The following NOTCH2 variants were observed in gnomAD, a reference collection of about 807,000 sequenced individuals.
NOTCH2 encodes the protein notch receptor 2.
NOTCH2 carries 29 observed loss-of-function variants against 235.8 expected under a neutral mutation model. The observed-to-expected ratio is 0.12, with a 90% CI of 0.09 to 0.17. The LOEUF (loss-of-function observed/expected upper bound fraction) is 0.17, where lower values mean the gene tolerates loss of function less well. NOTCH2 is among the 10% of genes least tolerant of loss of function. The pLI is 1.00. For synonymous variants in NOTCH2, 1,086 were observed against 1,141.5 expected (o/e 0.95, Z 0.98); for missense variants, 2,285 against 3,150.2 (o/e 0.73, Z 6.57).
At chr1:119,925,188 C>CA in intron 25 of NOTCH2, 117 bp downstream of exon 25, 1 of 1,293,556 alleles carries the variant, frequency 7.7e-7, no homozygotes, top group South Asian at 1.2e-5. Context: ...AGGCTGGCAC[C>CA]ATCTGAAAAG....
At chr1:119,983,512 C>T (rs1651896797) in intron 5 of NOTCH2, among the ~76,000 whole-genome samples, 1 of 152,158 alleles carries the variant, frequency 6.6e-6, no homozygotes, top group Non-Finnish European at 1.5e-5. Flanking sequence ...TCACATTAGC[C>T]ATATTTCAGA....
chr1:119,958,241 T>C (rs1650783671), intron 12 of NOTCH2, among the ~76,000 whole-genome samples: 1 of 152,192 alleles, frequency 6.6e-6, no homozygotes, highest in Admixed American at 6.6e-5. Context: ...CACTGGGCAT[T>C]GGGTATGACA....
rs1649132059 is a variant in NOTCH2, at chr1:119,917,637, C to T, written c.6027+28G>A. 2.1e-6 allele frequency: 3 copies of T among 1,443,432 alleles called. No individual in the cohort carries two copies. The South Asian group carries it at 3.4e-5, about 16-fold the overall frequency. 89.4% of individuals were successfully genotyped at this position (1,443,432 alleles called of 1,614,324 possible). On this transcript the variant is annotated intron_variant, in intron 33 of 33. Coordinates refer to ENST00000256646, the MANE Select transcript of NOTCH2 (RefSeq NM_024408.4). ...ATAACTGAGGCACTGCTATGAGCCT[C>T]CTCAAGCTCAGAGCCCACAAACTGT...
rs781969276 is a variant in NOTCH2, at chr1:119,953,546, T to TAAA, written c.2359_2361dup (p.Phe787dup). 6.2e-7 allele frequency: 1 copy of TAAA among 1,614,184 alleles called. No individual in the cohort carries two copies. The highest frequency in any genetic ancestry group is 8.5e-7 in the Non-Finnish European group (1 of 1,180,010). ...AAAGATGTACTTTTGTTTTCACCTT[T>TAAA]AAAGCCCTTCTTGCAAGTACACCTG... On this transcript the variant is annotated inframe_insertion, in exon 14 of 34. Transcript: ENST00000256646.
chr1:119,988,361 A>G (rs1652101878), intron 4 of NOTCH2, among the ~76,000 whole-genome samples: 1 of 152,196 alleles, frequency 6.6e-6, no homozygotes, highest in South Asian at 2.1e-4. Flanking sequence ...GACAGAAATC[A>G]CTGAAGGCTT....
chr1:120,038,108 T>A (rs1363367534), intron 1 of NOTCH2, among the ~76,000 whole-genome samples: 13 of 152,128 alleles, frequency 8.5e-5, no homozygotes, highest in Non-Finnish European at 1.8e-4. Context: ...TGTGTAGTTT[T>A]TCCTTTTATT....
chr1:119,940,160 C>T (rs1650012741), intron 19 of NOTCH2, among the ~76,000 whole-genome samples: 2 of 152,136 alleles, frequency 1.3e-5, no homozygotes, highest in African/African-American at 4.8e-5. Flanking sequence ...TTGCAAGATA[C>T]AACAATTATC....
intron 29 of NOTCH2, among the ~76,000 whole-genome samples, chr1:119,921,382 A>G (rs1036632289): frequency 6.6e-6 from 1 of 152,234 alleles, no homozygotes; most frequent in African/African-American, 2.4e-5. Context: ...AGAAGTGCCC[A>G]TAAAGGATAA....
At chr1:119,953,491 C>G in intron 14 of NOTCH2, 52 bp downstream of exon 14, 1 of 1,594,698 alleles carries the variant, frequency 6.3e-7, no homozygotes, top group East Asian at 2.2e-5. Flanking sequence ...AAGCAGTATG[C>G]AACAACAAGA....
chr1:119,951,028 G>A (rs1650451016), intron 14 of NOTCH2, among the ~76,000 whole-genome samples, 191 bp from the exon 15 acceptor site: 1 of 152,210 alleles, frequency 6.6e-6, no homozygotes, highest in Non-Finnish European at 1.5e-5. Flanking sequence ...ACAGCAATTA[G>A]TTGAAAAGAT....
intron 15 of NOTCH2, chr1:119,950,358 T>C (rs1440376560): frequency 7.7e-6 from 3 of 390,228 alleles, no homozygotes; most frequent in African/African-American, 2.1e-5. Context: ...GTCTGGCACA[T>C]AGTAAATTAC....
chr1:119,925,032 C>A (rs986137532), intron 25 of NOTCH2, among the ~76,000 whole-genome samples: 17 of 152,278 alleles, frequency 1.1e-4, no homozygotes, highest in African/African-American at 3.9e-4. Flanking sequence ...GTGGGAAACA[C>A]CACTTCCAAA....
Position 119,923,809 on chromosome 1 carries a change from G to T in NOTCH2, c.4687C>A (p.Arg1563Ser). 6.2e-7 allele frequency: 1 copy of T among 1,614,130 alleles called. No homozygotes were observed. The highest frequency in any genetic ancestry group is 8.5e-7 in the Non-Finnish European group (1 of 1,180,028). ...GTACCCAGTGCCCGCAAGAAGCTGC[G>T]AGCATCCTGGAGCAGTTGTTCAGGT... ...MPPEQLLQDA[R>S]SFLRALGTLL... Residue 1563 changes from arginine to serine, a missense_variant, in exon 26 of 34, where the codon CGC becomes AGC. Physicochemically the swap from Arg to Ser is moderately radical, Grantham distance 110 (BLOSUM62 -1). This residue lies in a region of NOTCH2 where 1,173 missense variants were observed against 1,515.3 expected (regional missense o/e 0.77). Coordinates refer to ENST00000256646, the MANE Select transcript of NOTCH2 (RefSeq NM_024408.4).
At chr1:119,923,556 G>T in intron 26 of NOTCH2, 81 bp downstream of exon 26, 1 of 1,212,708 alleles carries the variant, frequency 8.2e-7, no homozygotes, top group Non-Finnish European at 1.2e-6. Flanking sequence ...CATTTCTATA[G>T]GTTGAGTTAT....
chr1:119,927,933 A>G (rs1480324631), intron 23 of NOTCH2, among the ~76,000 whole-genome samples: 1 of 152,204 alleles, frequency 6.6e-6, no homozygotes, highest in Non-Finnish European at 1.5e-5. Context: ...AGATGGCTGG[A>G]GATGGGCTCA....
intron 5 of NOTCH2, among the ~76,000 whole-genome samples, chr1:119,981,307 C>G (rs782020180): frequency 1.2e-4 from 19 of 152,326 alleles, no homozygotes; most frequent in Non-Finnish European, 5.9e-5. Flanking sequence ...CATTCACACA[C>G]ACCTTCTGCT....
intron 19 of NOTCH2, among the ~76,000 whole-genome samples, chr1:119,939,390 T>C (rs1475973483): frequency 6.6e-6 from 1 of 152,230 alleles, no homozygotes; most frequent in Non-Finnish European, 1.5e-5. Context: ...ATAGCCACCC[T>C]GTAATGCTAG....
chr1:119,969,806 AG>A, intron 5 of NOTCH2, 62 bp from the exon 6 acceptor site: 1 of 1,370,420 alleles, frequency 7.3e-7, no homozygotes, highest in Non-Finnish European at 1.0e-6. Context: ...GTACCATACC[AG>A]CCCCCCACAC....
chr1:119,958,393 C>A (rs1024380716), intron 12 of NOTCH2, among the ~76,000 whole-genome samples: 1 of 152,242 alleles, frequency 6.6e-6, no homozygotes, highest in African/African-American at 2.4e-5. Flanking sequence ...AAAGTACATT[C>A]TTGGCAAATG....
Sources: allele counts gnomAD v4.1 joint callset (sites outside exome capture counted in the v4.1 genomes callset), GRCh38; gene constraint gnomAD v4.1.1; regional missense constraint gnomAD v4.1.1; transcripts MANE v1.5; gene names NCBI Gene and HGNC (gene_info 2026-07-23, HGNC 2026-07-21).